The following SEC22A variants were observed in gnomAD, a reference collection of about 807,000 sequenced individuals.
SEC22A encodes vesicle-trafficking protein SEC22a.
A neutral mutation model predicts 35.3 loss-of-function variants in SEC22A; 22 were observed. The ratio of observed to expected loss-of-function variants is 0.62; its 90% CI spans 0.45 to 0.89. SEC22A has a LOEUF of 0.89. Among genes scored for constraint, SEC22A ranks in the 40% least tolerant of loss-of-function variants. The probability of loss-of-function intolerance (pLI) is 0.00; values close to 1 mark genes in which losing one functional copy is unlikely to be tolerated. For synonymous variants in SEC22A, 119 were observed against 129.5 expected (o/e 0.92, Z 0.55); for missense variants, 354 against 362.5 (o/e 0.98, Z 0.19).
At chr3:123,207,420 A>T (rs1056034467) in intron 1 of SEC22A, among the ~76,000 whole-genome samples, 14 of 152,112 alleles carry the variant, frequency 9.2e-5, no homozygotes, top group Non-Finnish European at 2.1e-4. Context: ...AGTCTCTAAG[A>T]TACAATATTT....
At chr3:123,225,851 C>T (rs181950718) in intron 4 of SEC22A, among the ~76,000 whole-genome samples, 1 of 152,290 alleles carries the variant, frequency 6.6e-6, no homozygotes, top group East Asian at 1.9e-4. Context: ...ACCCCCACTA[C>T]CCTTCCCATC....
intron 4 of SEC22A, among the ~76,000 whole-genome samples, chr3:123,233,752 T>C (rs1937363870): frequency 6.6e-6 from 1 of 152,084 alleles, no homozygotes; most frequent in South Asian, 2.1e-4. Context: ...TATCTAATGG[T>C]GAAAGACAGG....
At chr3:123,269,213 G>GTGTGTGTGTGTA (rs1938097752) in intron 6 of SEC22A, among the ~76,000 whole-genome samples, 1 of 80,952 alleles carries the variant, frequency 1.2e-5, no homozygotes. Context: ...GTGTGTGTGT[G>GTGTGTGTGTGTA]TGTATATATT....
intron 4 of SEC22A, among the ~76,000 whole-genome samples, chr3:123,242,969 A>G (rs909254009): frequency 2.6e-5 from 4 of 152,110 alleles, no homozygotes; most frequent in South Asian, 2.1e-4. Flanking sequence ...CCTTCATCAT[A>G]TGAGAATCTT....
At chr3:123,247,209 A>G (rs1033843654) in intron 5 of SEC22A, among the ~76,000 whole-genome samples, 1 of 152,320 alleles carries the variant, frequency 6.6e-6, no homozygotes, top group Middle Eastern at 3.4e-3. Context: ...TGATAGAAAA[A>G]GCTTACAAAT....
chr3:123,221,118 A>G (rs1057337506), intron 2 of SEC22A, among the ~76,000 whole-genome samples: 2 of 151,422 alleles, frequency 1.3e-5, no homozygotes, highest in African/African-American at 2.4e-5. Flanking sequence ...TTCTGCTTCT[A>G]TGTTATTCGA....
intron 5 of SEC22A, among the ~76,000 whole-genome samples, chr3:123,256,223 C>CT (rs1937727884): frequency 1.3e-5 from 2 of 152,122 alleles, no homozygotes; most frequent in Admixed American, 1.3e-4. Flanking sequence ...CATTTAACTA[C>CT]TATTAAAATA....
At chr3:123,251,241 G>T (rs1937610318) in intron 5 of SEC22A, among the ~76,000 whole-genome samples, 1 of 152,132 alleles carries the variant, frequency 6.6e-6, no homozygotes, top group Non-Finnish European at 1.5e-5. Flanking sequence ...TATGGTGGTG[G>T]AGTGTGAAAG....
At chr3:123,245,265 C>T (rs1376022239) in intron 4 of SEC22A, among the ~76,000 whole-genome samples, 3 of 152,164 alleles carry the variant, frequency 2.0e-5, no homozygotes, top group African/African-American at 7.2e-5. Context: ...GCAAAGTCAC[C>T]TTTACAAATA....
At chr3:123,222,441 C>T (rs144100395) in intron 2 of SEC22A, among the ~76,000 whole-genome samples, 2,770 of 152,122 alleles carry the variant, frequency 0.018, 48 homozygotes, top group Non-Finnish European at 0.025. Flanking sequence ...TCAGATGATC[C>T]GCCCACCTCG....
At chr3:123,207,577 A>C (rs1281724548) in intron 1 of SEC22A, among the ~76,000 whole-genome samples, 1 of 152,222 alleles carries the variant, frequency 6.6e-6, no homozygotes, top group Non-Finnish European at 1.5e-5. Context: ...AACATGTTTT[A>C]ATTTAATGTT....
At chr3:123,269,893 A>G (rs1938120599) in intron 6 of SEC22A, among the ~76,000 whole-genome samples, 1 of 151,880 alleles carries the variant, frequency 6.6e-6, no homozygotes, top group Non-Finnish European at 1.5e-5. Flanking sequence ...GGGCCTCCCA[A>G]AGTGCTGGGA....
At chr3:123,230,093 A>G (rs944821247) in intron 4 of SEC22A, among the ~76,000 whole-genome samples, 5 of 151,698 alleles carry the variant, frequency 3.3e-5, no homozygotes, top group Non-Finnish European at 2.9e-5. Context: ...GGTTGCAGTG[A>G]GGTAGGCTGC....
intron 5 of SEC22A, among the ~76,000 whole-genome samples, chr3:123,258,887 T>A (rs1937810088): frequency 6.6e-6 from 1 of 152,112 alleles, no homozygotes; most frequent in Admixed American, 6.5e-5. Flanking sequence ...TAGGAAAGCA[T>A]GGGTTGTTAC....
chr3:123,223,366 C>T (rs1937163088), intron 2 of SEC22A, among the ~76,000 whole-genome samples, 193 bp from the exon 3 acceptor site: 1 of 152,148 alleles, frequency 6.6e-6, no homozygotes, highest in African/African-American at 2.4e-5. Flanking sequence ...TTTTTGTCTT[C>T]TGTTTTTAAA....
chr3:123,229,809 C>T (rs1937283072), intron 4 of SEC22A, among the ~76,000 whole-genome samples: 2 of 152,006 alleles, frequency 1.3e-5, no homozygotes, highest in South Asian at 4.2e-4. Context: ...TTGCCGTGAG[C>T]CGAGATCGCG....
Position 123,244,748 on chromosome 3 carries a change from C to A in SEC22A, c.542-1151C>A, listed in dbSNP as rs528676588. ...CCGCCCTTATATTAATGTTCCACCT[C>A]ATTAACTTAATTGTTAGGGCGTTTA... On this transcript the variant is annotated intron_variant, in intron 4 of 6. Coordinates refer to ENST00000492595, the MANE Select transcript of SEC22A (RefSeq NM_012430.5). Among the ~76,000 whole-genome samples, 3 of 152,280 alleles carry A rather than the reference C, an allele frequency of 2.0e-5. No homozygotes were observed. In the East Asian group the frequency reaches 5.8e-4, roughly 29 times the overall value.
In SEC22A at chr3:123,271,938, G is replaced by A; in HGVS notation, c.*216G>A. 1 of 568,036 alleles carries A rather than the reference G, an allele frequency of 1.8e-6. No homozygotes were observed. Among genetic ancestry groups the A allele is most frequent in the South Asian group, 2.2e-5 (1 of 46,448 alleles). The allele number at this position is 568,036 out of a possible 1,614,324, so 35.2% of individuals were successfully genotyped here. A position where few individuals can be genotyped will look rare whatever the true frequency, so the allele number is the denominator to read the frequency against. ...TGAGACTATCATTCAGAGGAGGAGG[G>A]GATTTCTCTCTTCAAGGCCGTAACA... On this transcript the variant is annotated 3_prime_UTR_variant, in exon 7 of 7. Coordinates refer to ENST00000492595, the MANE Select transcript of SEC22A (RefSeq NM_012430.5).
chr3:123,205,997 C>T (rs1449601938), intron 1 of SEC22A, among the ~76,000 whole-genome samples: 4 of 152,190 alleles, frequency 2.6e-5, no homozygotes, highest in African/African-American at 9.7e-5. Context: ...TCCTCCAAGT[C>T]ACTAAAGAAT....
Sources: allele counts gnomAD v4.1 joint callset (sites outside exome capture counted in the v4.1 genomes callset), GRCh38; gene constraint gnomAD v4.1.1; transcripts MANE v1.5; gene names NCBI Gene and HGNC (gene_info 2026-07-23, HGNC 2026-07-21).